Variants in SLC24A2 observed in about 807,000 individuals in gnomAD.
The protein encoded by SLC24A2 is solute carrier family 24 member 2.
In SLC24A2, 36 loss-of-function variants were observed where a neutral mutation model predicts 62.0. That is an observed-to-expected ratio of 0.58 (90% CI 0.44 to 0.77). The LOEUF is 0.77. SLC24A2 is among the 30% of genes least tolerant of loss of function. The probability of loss-of-function intolerance (pLI) is 0.00; values close to 1 mark genes in which losing one functional copy is unlikely to be tolerated. For missense variants in SLC24A2, 846 were observed against 817.9 expected, an observed-to-expected ratio of 1.03 and a Z score of -0.42; for synonymous variants, 358 against 294.0, an observed-to-expected ratio of 1.22 and a Z score of -2.23.
At chr9:19,587,667 A>T (rs1304395179) in intron 5 of SLC24A2, among the ~76,000 whole-genome samples, 4 of 150,926 alleles carry the variant, frequency 2.7e-5, no homozygotes, top group Non-Finnish European at 4.4e-5. Context: ...TTTTTTTTTT[A>T]AAGAGCTTCA....
At chr9:20,013,732 T>C in the SLC24A2 span, among the ~76,000 whole-genome samples, 2 of 152,112 alleles carry the variant, frequency 1.3e-5, no homozygotes, top group South Asian at 4.1e-4. Context: ...AACAACTGTG[T>C]AGTAAGAAAA....
intron 7 of SLC24A2, among the ~76,000 whole-genome samples, chr9:19,556,998 T>C (rs2132777661): frequency 6.6e-6 from 1 of 152,244 alleles, no homozygotes; most frequent in Admixed American, 6.5e-5. Flanking sequence ...GAAAAGGAGC[T>C]CCAGAATTTC....
the SLC24A2 span, among the ~76,000 whole-genome samples, chr9:19,906,914 C>G: frequency 2.4e-3 from 365 of 152,296 alleles, 5 homozygotes; most frequent in Admixed American, 0.021. Context: ...GGAGCTGGCA[C>G]CATTCCTTCT....
intron 5 of SLC24A2, among the ~76,000 whole-genome samples, chr9:19,579,672 G>A (rs1423814781): frequency 6.6e-6 from 1 of 152,148 alleles, no homozygotes; most frequent in African/African-American, 2.4e-5. Context: ...CAACAAATAG[G>A]TCTGTGGAAA....
At chr9:19,627,365 A>G (rs986749589) in intron 2 of SLC24A2, among the ~76,000 whole-genome samples, 3 of 152,224 alleles carry the variant, frequency 2.0e-5, no homozygotes, top group African/African-American at 7.2e-5. Flanking sequence ...ATCTTCGCCA[A>G]TATGGAAGGA....
At chr9:20,191,493 G>A in the SLC24A2 span, among the ~76,000 whole-genome samples, 1 of 151,922 alleles carries the variant, frequency 6.6e-6, no homozygotes, top group African/African-American at 2.4e-5. Flanking sequence ...AGGTGTAACT[G>A]CACAGCTAGT....
At chr9:19,907,517 G>A in the SLC24A2 span, among the ~76,000 whole-genome samples, 1 of 152,138 alleles carries the variant, frequency 6.6e-6, no homozygotes, top group African/African-American at 2.4e-5. Flanking sequence ...TATTCAAGTA[G>A]GAAAAGAGGA....
chr9:20,287,048 C>G, the SLC24A2 span, among the ~76,000 whole-genome samples: 1 of 152,128 alleles, frequency 6.6e-6, no homozygotes, highest in African/African-American at 2.4e-5. Flanking sequence ...AGTAGAGGCC[C>G]GGAGGTCTGC....
At chr9:19,721,116 A>G (rs1821013622) in intron 2 of SLC24A2, among the ~76,000 whole-genome samples, 1 of 152,164 alleles carries the variant, frequency 6.6e-6, no homozygotes, top group African/African-American at 2.4e-5. Context: ...TGTTGTTCAA[A>G]GTAATGGGAT....
intron 10 of SLC24A2, among the ~76,000 whole-genome samples, chr9:19,518,657 T>TGA (rs778774671): frequency 2.0e-5 from 3 of 152,150 alleles, no homozygotes; most frequent in Non-Finnish European, 4.4e-5. Flanking sequence ...CTTGACCTTG[T>TGA]GATCCGCCCA....
At chr9:19,871,113 T>G in the SLC24A2 span, among the ~76,000 whole-genome samples, 2 of 152,158 alleles carry the variant, frequency 1.3e-5, no homozygotes, top group African/African-American at 4.8e-5. Context: ...TTTATAGTTT[T>G]GGCTTTTGAA....
At chr9:19,694,032 G>C (rs1820116873) in intron 2 of SLC24A2, among the ~76,000 whole-genome samples, 2 of 151,444 alleles carry the variant, frequency 1.3e-5, no homozygotes, top group Non-Finnish European at 2.9e-5. Flanking sequence ...TCACTGCTAA[G>C]ACAAAATTAA....
chr9:20,127,678 TAAGATC>T, the SLC24A2 span, among the ~76,000 whole-genome samples: 1 of 152,070 alleles, frequency 6.6e-6, no homozygotes. Context: ...GGTTCTAACT[TAAGATC>T]AAGGACACTT....
In SLC24A2 at chr9:19,582,199, T is replaced by C. The variant is rs185656261; in HGVS notation, c.1130-5177A>G. On this transcript the variant is annotated intron_variant, in intron 5 of 10. Transcript: ENST00000341998. ...GAAAAACAACCAGCAATCAAAATCCTTGACCAGATCATTCTGACATAAAAC... is the reference window on the plus strand; with the variant it reads ...GAAAAACAACCAGCAATCAAAATCCCTGACCAGATCATTCTGACATAAAAC... Among the ~76,000 whole-genome samples the C allele has an allele frequency of 1.1e-3, 172 of 152,300 alleles. 2 individuals carry two copies. The highest frequency in any genetic ancestry group is 3.5e-3 in the African/African-American group (145 of 41,560).
At chr9:19,532,642 G>A (rs1488443232) in intron 8 of SLC24A2, among the ~76,000 whole-genome samples, 2 of 152,204 alleles carry the variant, frequency 1.3e-5, no homozygotes, top group African/African-American at 2.4e-5. Flanking sequence ...ACATGACTGT[G>A]AAGACCTGGC....
intron 4 of SLC24A2, among the ~76,000 whole-genome samples, chr9:19,598,870 C>G (rs1037618109): frequency 2.0e-5 from 3 of 152,120 alleles, no homozygotes; most frequent in Non-Finnish European, 2.9e-5. Context: ...AGTAGATTAA[C>G]AAATCACATC....
At chr9:20,189,581 G>A in the SLC24A2 span, among the ~76,000 whole-genome samples, 4 of 152,162 alleles carry the variant, frequency 2.6e-5, no homozygotes, top group Admixed American at 1.3e-4. Flanking sequence ...TGATTCTTAA[G>A]GACCATTTGA....
At chr9:19,800,165 C>G in the SLC24A2 span, among the ~76,000 whole-genome samples, 1 of 152,062 alleles carries the variant, frequency 6.6e-6, no homozygotes, top group Non-Finnish European at 1.5e-5. Flanking sequence ...TGGAGTAGAT[C>G]ATGTTCTGAG....
chr9:19,916,920 C>A, the SLC24A2 span, among the ~76,000 whole-genome samples: 2 of 148,692 alleles, frequency 1.3e-5, no homozygotes, highest in Non-Finnish European at 3.0e-5. Context: ...AAATTCTGTA[C>A]CATTCCTAAT....
Sources: gnomAD v4.1 joint callset for allele counts (sites outside exome capture counted in the v4.1 genomes callset) on GRCh38, gnomAD v4.1.1 for gene constraint, MANE v1.5 for transcripts, NCBI Gene and HGNC (gene_info 2026-07-23, HGNC 2026-07-21) for gene names.